GARNL3: variants seen among roughly 807,000 people sequenced by gnomAD.
GARNL3 encodes the protein GTPase-activating Rap/Ran-GAP domain-like protein 3.
Under a neutral mutation model 125.0 loss-of-function variants are expected in GARNL3, and 63 were observed. That is an observed-to-expected ratio of 0.50 (90% CI 0.41 to 0.62). GARNL3 has a LOEUF of 0.62. GARNL3 is among the 20% of genes least tolerant of loss of function. The pLI is 0.00. For synonymous variants in GARNL3, 439 were observed against 457.5 expected (o/e 0.96, Z 0.52); for missense variants, 994 against 1,244.0 (o/e 0.80, Z 3.02).
intron 1 of GARNL3, among the ~76,000 whole-genome samples, chr9:127,231,221 A>ATTTTTTTTT (rs754935724): frequency 2.6e-4 from 17 of 66,066 alleles, no homozygotes; most frequent in African/African-American, 8.8e-4. Flanking sequence ...CGCCCAGCTA[A>ATTTTTTTTT]TTTTTTGTTT....
rs60448026 is a variant in GARNL3 at position 127,331,720 on chromosome 9, C to CTTTTTTTTTTTTTTTTTTTTTTT, written c.595-539_595-538insTTTTTTTTTTTTTTTTTTTTTTT. Among the ~76,000 whole-genome samples, 9 of 74,412 alleles carry CTTTTTTTTTTTTTTTTTTTTTTT rather than the reference C, an allele frequency of 1.2e-4. 2 individuals are homozygous for CTTTTTTTTTTTTTTTTTTTTTTT. The highest frequency in any genetic ancestry group is 6.8e-4 in the South Asian group (1 of 1,476). 48.8% of individuals were successfully genotyped at this position (74,412 alleles called of 152,430 possible). On this transcript the variant is annotated intron_variant, in intron 7 of 27. Coordinates refer to ENST00000373387, the MANE Select transcript of GARNL3 (RefSeq NM_032293.5). The stretch of plus-strand genomic sequence containing the variant: ...CTACTGCTTGCTTGGCTTGGGCTTG[C>CTTTTTTTTTTTTTTTTTTTTTTT]TTTTTTTTTTTTTTTCACATCTGTT...
At chr9:127,293,992 C>T (rs986563998) in intron 2 of GARNL3, among the ~76,000 whole-genome samples, 1 of 152,180 alleles carries the variant, frequency 6.6e-6, no homozygotes, top group Admixed American at 6.5e-5. Flanking sequence ...GGTGCTGTGA[C>T]AACTTCCTTG....
intron 4 of GARNL3, among the ~76,000 whole-genome samples, chr9:127,314,446 C>G (rs1388080086): frequency 6.6e-6 from 1 of 152,172 alleles, no homozygotes; most frequent in Non-Finnish European, 1.5e-5. Flanking sequence ...TCCCACAATG[C>G]CTTCAAAGCC....
chr9:127,329,598 G>A (rs113948418), intron 7 of GARNL3, among the ~76,000 whole-genome samples: 5,189 of 145,410 alleles, frequency 0.036, 300 homozygotes, highest in African/African-American at 0.12. Context: ...CAGTCTCAGA[G>A]CAATCCTATA....
chr9:127,337,764 C>T (rs1314271903), intron 11 of GARNL3, among the ~76,000 whole-genome samples: 1 of 152,182 alleles, frequency 6.6e-6, no homozygotes, highest in African/African-American at 2.4e-5. Context: ...TACTAATTTC[C>T]TATTGGGATC....
intron 22 of GARNL3, among the ~76,000 whole-genome samples, chr9:127,378,558 G>A (rs1346375418): frequency 1.5e-5 from 2 of 132,948 alleles, no homozygotes; most frequent in East Asian, 4.4e-4. Context: ...TTGCATTTCA[G>A]CCTAGGCAAC....
intron 11 of GARNL3, among the ~76,000 whole-genome samples, chr9:127,337,038 G>A (rs1205496548): frequency 6.6e-6 from 1 of 152,242 alleles, no homozygotes; most frequent in African/African-American, 2.4e-5. Flanking sequence ...CTGGAGACTT[G>A]GACTTGTTCC....
rs1554722987 is a variant in GARNL3 at position 127,331,735 on chromosome 9, T to TTTTC, written c.595-539_595-538insTTTC. On this transcript the variant is annotated intron_variant, in intron 7 of 27. Transcript: ENST00000373387. ...CTTGGGCTTGCTTTTTTTTTTTTTT[T>TTTTC]CACATCTGTTTTGTGACTTCTTCAG... is the stretch of plus-strand genomic sequence containing the variant. Among the ~76,000 whole-genome samples, 34 of 143,734 alleles carry TTTTC rather than the reference T, an allele frequency of 2.4e-4. 2 individuals are homozygous for TTTTC. The highest frequency in any genetic ancestry group is 4.4e-4 in the Non-Finnish European group (29 of 65,798). The allele number at this position is 143,734 out of a possible 152,430, so 94.3% of individuals were successfully genotyped here. A position where few individuals can be genotyped will look rare whatever the true frequency, so the allele number is the denominator to read the frequency against.
rs1043725265 is a variant in GARNL3 at position 127,242,276 on chromosome 9, A to G, written c.-28-803A>G. On this transcript the variant is annotated intron_variant, in intron 1 of 10. Coordinates refer to the GARNL3 transcript ENST00000439286. This position sits in a 1 kb window ranked among gnomAD's most constrained non-coding sequence, Gnocchi z 4.6. The stretch of plus-strand genomic sequence containing the variant: ...AAAGTGTTACATAAAATTGCTTTTT[A>G]TTTTTCCATTTCCAAGTAATTGGAT... Among the ~76,000 whole-genome samples, 7 of 152,032 alleles carry G rather than the reference A, an allele frequency of 4.6e-5. No homozygotes were observed. The highest frequency in any genetic ancestry group is 1.7e-4 in the African/African-American group (7 of 41,382).
At chr9:127,356,067 T>C (rs150523007) in intron 20 of GARNL3, among the ~76,000 whole-genome samples, 57 of 152,340 alleles carry the variant, frequency 3.7e-4, no homozygotes, top group Admixed American at 7.8e-4. Flanking sequence ...CTGGGAAATA[T>C]ACTCTTGAGC....
intron 1 of GARNL3, among the ~76,000 whole-genome samples, chr9:127,279,693 G>C (rs556909474): frequency 2.7e-4 from 41 of 152,048 alleles, no homozygotes. Flanking sequence ...GATGGTTAAA[G>C]GTATGCTTCC....
chr9:127,281,344 G>T (rs532871325), intron 1 of GARNL3, among the ~76,000 whole-genome samples: 24 of 152,316 alleles, frequency 1.6e-4, no homozygotes, highest in Admixed American at 7.8e-4. Flanking sequence ...TCATAGCGAT[G>T]GGTGTTGAGT....
intron 13 of GARNL3, among the ~76,000 whole-genome samples, chr9:127,341,487 G>A (rs376909423): frequency 2.4e-4 from 36 of 152,350 alleles, no homozygotes; most frequent in African/African-American, 8.7e-4. Context: ...ATGTGAAATT[G>A]TCCGAGTCTC....
intron 1 of GARNL3, among the ~76,000 whole-genome samples, chr9:127,268,937 A>T (rs1210785829): frequency 6.6e-6 from 1 of 152,072 alleles, no homozygotes; most frequent in Non-Finnish European, 1.5e-5. Flanking sequence ...ATTCCTTTTT[A>T]TGGCTGAATA....
In GARNL3 at chr9:127,357,213, A is replaced by G. The variant is rs779584235; in HGVS notation, c.1936-6A>G. 6.2e-7 allele frequency: 1 copy of G among 1,613,970 alleles called. No homozygotes were observed. Among genetic ancestry groups the G allele is most frequent in the South Asian group, 1.1e-5 (1 of 91,030 alleles). ...CCTGTCTCTTGTATCCTCACCAACC[A>G]CACAGGAGATCTGTCTGTCTGACTC... On this transcript the variant is annotated splice_polypyrimidine_tract_variant and splice_region_variant and intron_variant, in intron 20 of 27. Coordinates refer to ENST00000373387, the MANE Select transcript of GARNL3 (RefSeq NM_032293.5).
At chr9:127,357,451 G>GC in intron 21 of GARNL3, 74 bp downstream of exon 21, 1 of 1,401,936 alleles carries the variant, frequency 7.1e-7, no homozygotes, top group South Asian at 1.3e-5. Flanking sequence ...ACCCTGACAT[G>GC]CCATGATTTG....
exon 2 of GARNL3, chr9:127,243,188 G>A (rs776662572): frequency 6.6e-6 from 9 of 1,366,394 alleles, no homozygotes; most frequent in Middle Eastern, 2.1e-4. Flanking sequence ...TCTCTCCTTC[G>A]GCATCCAGCC....
chr9:127,376,420 G>A (rs1224567752), intron 22 of GARNL3, among the ~76,000 whole-genome samples: 4 of 151,650 alleles, frequency 2.6e-5, no homozygotes, highest in Admixed American at 6.6e-5. Context: ...GGGTTTCACC[G>A]TGTTAGCCAG....
At chr9:127,233,590 A>C (rs985730101) in intron 1 of GARNL3, among the ~76,000 whole-genome samples, 23 of 152,192 alleles carry the variant, frequency 1.5e-4, no homozygotes, top group African/African-American at 5.6e-4. Flanking sequence ...TTAAGTGGTT[A>C]AATTATGCTT....
Sources: gnomAD v4.1 joint callset for allele counts (sites outside exome capture counted in the v4.1 genomes callset) on GRCh38, gnomAD v4.1.1 for gene constraint, Gnocchi (gnomAD v3.1) non-coding constraint, MANE v1.5 for transcripts, NCBI Gene and HGNC (gene_info 2026-07-23, HGNC 2026-07-21) for gene names.